Variants in CEP120 observed in about 807,000 individuals in gnomAD.
The protein encoded by CEP120 is centrosomal protein of 120 kDa.
A neutral mutation model predicts 126.5 loss-of-function variants in CEP120; 113 were observed. That is an observed-to-expected ratio of 0.89 (90% CI 0.77 to 1.04). The LOEUF (loss-of-function observed/expected upper bound fraction) is 1.04. Ranked by LOEUF, CEP120 falls within the 50% of genes least tolerant of loss-of-function variation. The pLI is 0.00. For missense variants in CEP120, 1,230 were observed against 1,155.7 expected (o/e 1.06, Z -0.93); for synonymous variants, 400 against 394.3 (o/e 1.01, Z -0.17).
intron 18 of CEP120, among the ~76,000 whole-genome samples, chr5:123,363,674 G>A (rs1770249739): frequency 6.6e-6 from 1 of 151,402 alleles, no homozygotes; most frequent in Non-Finnish European, 1.5e-5. Context: ...TAGACTGGTA[G>A]TACTCCATGA....
At chr5:123,396,801 A>G (rs971271786) in intron 5 of CEP120, among the ~76,000 whole-genome samples, 3 of 152,194 alleles carry the variant, frequency 2.0e-5, no homozygotes, top group African/African-American at 7.2e-5. Flanking sequence ...ATTAAAAATG[A>G]CCACGTGGTC....
chr5:123,378,275 AT>A, intron 15 of CEP120, 60 bp downstream of exon 15: 1 of 1,268,454 alleles, frequency 7.9e-7, no homozygotes, highest in Non-Finnish European at 1.1e-6. Flanking sequence ...TTAAAATAGT[AT>A]TTCTACTTTG....
At chr5:123,367,536 G>C (rs369131566) in intron 17 of CEP120, among the ~76,000 whole-genome samples, 1 of 151,640 alleles carries the variant, frequency 6.6e-6, no homozygotes, top group African/African-American at 2.4e-5. Flanking sequence ...CAGATTTTCC[G>C]AACAGCGATG....
At chr5:123,372,613 T>C (rs1421457890) in intron 17 of CEP120, 37 bp downstream of exon 17, 2 of 1,580,886 alleles carry the variant, frequency 1.3e-6, no homozygotes, top group Non-Finnish European at 1.7e-6. Context: ...AATTAATCAC[T>C]GGGACTAGTT....
rs180958562 is a variant in CEP120, at chr5:123,405,909, A to T, written c.463+6490T>A. 3.9e-3 allele frequency among the ~76,000 whole-genome samples: 589 copies of T among 152,330 alleles called. 1 individual carries two copies. The highest frequency in any genetic ancestry group is 4.7e-3 in the Non-Finnish European group (317 of 68,028). ...TGTTGGAATTATCAAAACAGAAAAA[A>T]TTTTTAACTATGATTAATATGCCTT... On this transcript the variant is annotated intron_variant, in intron 4 of 19. Coordinates refer to ENST00000306467, the MANE Select transcript of CEP120 (RefSeq NM_001375405.1).
At chr5:123,399,680 A>G (rs572238178) in intron 4 of CEP120, among the ~76,000 whole-genome samples, 1 of 152,332 alleles carries the variant, frequency 6.6e-6, no homozygotes, top group South Asian at 2.1e-4. Flanking sequence ...GTACAAAAAC[A>G]CAGAAGCAAG....
intron 12 of CEP120, 25 bp downstream of exon 12, chr5:123,382,961 T>C: frequency 6.3e-7 from 1 of 1,593,174 alleles, no homozygotes; most frequent in South Asian, 1.1e-5. Context: ...TTAAAAAAAA[T>C]TTGATAACAT....
At chr5:123,371,386 C>G (rs748636174) in intron 17 of CEP120, among the ~76,000 whole-genome samples, 1 of 151,962 alleles carries the variant, frequency 6.6e-6, no homozygotes, top group Non-Finnish European at 1.5e-5. Context: ...CAGGCAAACT[C>G]CCATTTTTTA....
chr5:123,416,301 G>A (rs1031605275), intron 2 of CEP120, among the ~76,000 whole-genome samples, 177 bp from the exon 3 acceptor site: 4 of 152,028 alleles, frequency 2.6e-5, no homozygotes, highest in African/African-American at 4.8e-5. Context: ...AATGGCTCAC[G>A]CCTGTAATCC....
intron 15 of CEP120, 113 bp from the exon 16 acceptor site, chr5:123,377,648 T>G: frequency 1.2e-6 from 1 of 834,324 alleles, no homozygotes; most frequent in Non-Finnish European, 1.8e-6. Flanking sequence ...CAAATTTATT[T>G]TCATATCTTT....
At chr5:123,413,270 C>T (rs78714608) in intron 3 of CEP120, among the ~76,000 whole-genome samples, 22 of 146,508 alleles carry the variant, frequency 1.5e-4, no homozygotes, top group East Asian at 4.0e-4. Context: ...GAAGCCCTGT[C>T]GCAAAAAAAA....
chr5:123,387,064 C>T (rs1039332598), intron 9 of CEP120, among the ~76,000 whole-genome samples: 5 of 152,006 alleles, frequency 3.3e-5, no homozygotes, highest in African/African-American at 2.4e-5. Context: ...GCAAACAATT[C>T]GAATGTATTA....
At chr5:123,347,575 C>T (rs1420256697) in intron 19 of CEP120, among the ~76,000 whole-genome samples, 1 of 152,090 alleles carries the variant, frequency 6.6e-6, no homozygotes, top group East Asian at 1.9e-4. Context: ...TGCTGACCTG[C>T]GATTTGGGTA....
At chr5:123,364,726 G>T in intron 17 of CEP120, 132 bp from the exon 18 acceptor site, 2 of 390,818 alleles carry the variant, frequency 5.1e-6, no homozygotes, top group East Asian at 3.7e-5. Flanking sequence ...ATCTAAAACT[G>T]TTATATAATT....
In CEP120 at chr5:123,391,178, T is replaced by G. The variant is rs895956986; in HGVS notation, c.970A>C (p.Ile324Leu). 6.2e-7 allele frequency: 1 copy of G among 1,614,174 alleles called. No individual in the cohort carries two copies. Residue 324 changes from isoleucine (I) to leucine (L), a missense_variant, in exon 7 of 20, where the codon ATT (isoleucine) becomes CTT (leucine). Ile to Leu is a conservative substitution (Grantham distance 5). Transcript: ENST00000306467. Reference sequence around the variant, plus strand: ...ACAGTTGGGGCTAGCTCCACAGGAATAGGTGCAAGCTTCTGTTTGGCTCTG... The same window carrying G: ...ACAGTTGGGGCTAGCTCCACAGGAAGAGGTGCAAGCTTCTGTTTGGCTCTG... ...PNRAKQKLAP[I>L]PVELAPTVGV...
chr5:123,419,550 A>C (rs1221612792), intron 1 of CEP120, among the ~76,000 whole-genome samples: 2 of 112,098 alleles, frequency 1.8e-5, no homozygotes, highest in Non-Finnish European at 3.9e-5. Context: ...ACAAAAACAA[A>C]AACAAAAAAA....
chr5:123,422,408 GCA>G, intron 1 of CEP120: 1 of 1,069,588 alleles, frequency 9.3e-7, no homozygotes, highest in Non-Finnish European at 1.4e-6. Flanking sequence ...TACATTCCCA[GCA>G]CAGTGTCTGA....
At chr5:123,362,695 C>T (rs10065591) in intron 18 of CEP120, among the ~76,000 whole-genome samples, 108,257 of 151,400 alleles carry the variant, frequency 0.72, 38,836 homozygotes, top group African/African-American at 0.75. Context: ...TTTTCTCTAG[C>T]TGTTATTTCC....
chr5:123,415,406 G>C (rs1270767195), intron 3 of CEP120, among the ~76,000 whole-genome samples: 1 of 152,216 alleles, frequency 6.6e-6, no homozygotes, highest in Non-Finnish European at 1.5e-5. Flanking sequence ...CATTAGAAGA[G>C]GATGAACCAC....
Sources: gnomAD v4.1 joint callset for allele counts (sites outside exome capture counted in the v4.1 genomes callset) on GRCh38, gnomAD v4.1.1 for gene constraint, MANE v1.5 for transcripts, NCBI Gene and HGNC (gene_info 2026-07-23, HGNC 2026-07-21) for gene names.